Variants in ZNF212 observed in about 807,000 individuals in gnomAD.
The protein encoded by ZNF212 is Zinc finger protein C2H2-150.
In ZNF212, 32 loss-of-function variants were observed where a neutral mutation model predicts 47.3. The observed-to-expected ratio is 0.68, with a 90% CI of 0.51 to 0.91. The LOEUF is 0.91. Among genes scored for constraint, ZNF212 ranks in the 40% least tolerant of loss-of-function variants. The pLI, the probability that ZNF212 is intolerant of heterozygous loss-of-function variation, is 0.00. For missense variants in ZNF212, 555 were observed against 622.8 expected (o/e 0.89, Z 1.16); for synonymous variants, 242 against 253.8 (o/e 0.95, Z 0.44).
intron 1 of ZNF212, chr7:149,240,154 C>T (rs966737058): frequency 1.6e-5 from 4 of 254,734 alleles, no homozygotes; most frequent in Non-Finnish European, 2.2e-5. Flanking sequence ...CGGTCTCCGT[C>T]GCTACGAGTG....
At chr7:149,247,593 T>C (rs1205186059) in intron 1 of ZNF212, among the ~76,000 whole-genome samples, 1 of 152,210 alleles carries the variant, frequency 6.6e-6, no homozygotes, top group East Asian at 1.9e-4. Context: ...AAGTGTCTTA[T>C]ATAGTGTGTC....
chr7:149,253,885 G>C lies in ZNF212; in HGVS notation c.958G>C (p.Glu320Gln). The change falls in exon 5 of 5, where the codon GAG becomes CAG. Residue 320 changes from glutamate to glutamine, a missense_variant. Glu to Gln is a conservative substitution (Grantham distance 29, BLOSUM62 2). Coordinates refer to ENST00000335870, the MANE Select transcript of ZNF212 (RefSeq NM_012256.4). ...KDTSRPYECS[E>Q]CEITFRYKQQ... ...CACTTCCCGCCCCTACGAATGTTCT[G>C]AGTGTGAGATCACCTTCCGCTATAA... 4 of 1,614,056 alleles carry C rather than the reference G, an allele frequency of 2.5e-6. No individual in the cohort carries two copies. The highest frequency in any genetic ancestry group is 3.4e-6 in the Non-Finnish European group (4 of 1,180,034).
chr7:149,239,861 C>T (rs1796561441), intron 1 of ZNF212, 59 bp downstream of exon 1: 3 of 1,259,826 alleles, frequency 2.4e-6, no homozygotes, highest in East Asian at 3.1e-5. Context: ...AGTCCCCTGC[C>T]GGGGGCGGGG....
chr7:149,247,822 T>G (rs1256296850), intron 1 of ZNF212, among the ~76,000 whole-genome samples: 3 of 152,152 alleles, frequency 2.0e-5, no homozygotes. Flanking sequence ...CCATTATGTA[T>G]TGGTGTAACA....
At chr7:149,240,660 A>G (rs1796575220) in intron 1 of ZNF212, among the ~76,000 whole-genome samples, 1 of 152,218 alleles carries the variant, frequency 6.6e-6, no homozygotes, top group Non-Finnish European at 1.5e-5. Context: ...GTTTCAAAGT[A>G]GTGGTTAATT....
At chr7:149,246,130 C>G (rs980987123) in intron 1 of ZNF212, among the ~76,000 whole-genome samples, 1 of 152,196 alleles carries the variant, frequency 6.6e-6, no homozygotes, top group Non-Finnish European at 1.5e-5. Flanking sequence ...TGACCTTTTT[C>G]CACTTCATAT....
rs1157461132 is a variant in ZNF212 at position 149,254,805 on chromosome 7, G to A, written c.*390G>A. On this transcript the variant is annotated 3_prime_UTR_variant, in exon 5 of 5. Coordinates refer to ENST00000335870, the MANE Select transcript of ZNF212 (RefSeq NM_012256.4). The surrounding 1 kb of genome is among the most constrained non-coding windows in gnomAD (Gnocchi z 4.5). Reference sequence around the variant, plus strand: ...GAGCAGCTGCCTGGAAGAGTTCTGGGAAGTATAACCCTCCATTTTTTCTTG... The same window carrying A: ...GAGCAGCTGCCTGGAAGAGTTCTGGAAAGTATAACCCTCCATTTTTTCTTG... 1.9e-5 allele frequency: 4 copies of A among 208,752 alleles called. No homozygotes were observed. The East Asian group carries it at 3.6e-4, about 19-fold the overall frequency. The allele number at this position is 208,752 out of a possible 1,614,324, so 12.9% of individuals were successfully genotyped here.
intron 1 of ZNF212, among the ~76,000 whole-genome samples, chr7:149,240,295 G>T (rs1383768911): frequency 2.0e-5 from 3 of 152,220 alleles, no homozygotes; most frequent in Admixed American, 2.0e-4. Context: ...GTTGAAGTCA[G>T]CCTGGGCTGC....
chr7:149,252,739 T>G lies in ZNF212; in HGVS notation c.575T>G (p.Leu192Trp), dbSNP rs768347104. 2 of 1,614,086 alleles carry G rather than the reference T, an allele frequency of 1.2e-6. No individual in the cohort carries two copies. The highest frequency in any genetic ancestry group is 2.2e-5 in the South Asian group (2 of 91,074). Residue 192 changes from leucine to tryptophan, a missense_variant, in exon 4 of 5, where the codon TTG becomes TGG. Transcript: ENST00000335870. Reference protein sequence around the residue: ...VLGQTEGEAELGTEMLGDLEE... With the variant: ...VLGQTEGEAEWGTEMLGDLEE... The stretch of plus-strand genomic sequence containing the variant: ...GGCCAGACAGAGGGAGAAGCGGAGT[T>G]GGGTACAGAGATGCTGGGTGACTTG...
chr7:149,252,408 T>G (rs1376473663), intron 3 of ZNF212, among the ~76,000 whole-genome samples: 1 of 152,154 alleles, frequency 6.6e-6, no homozygotes, highest in African/African-American at 2.4e-5. Context: ...TGCACGCACA[T>G]GGAGAGGCAG....
At chr7:149,252,584 A>G in intron 3 of ZNF212, 122 bp from the exon 4 acceptor site, 1 of 870,264 alleles carries the variant, frequency 1.1e-6, no homozygotes, top group Non-Finnish European at 1.8e-6. Context: ...AACTGACAAG[A>G]ACAGTAGCCT....
chr7:149,250,344 G>C lies in ZNF212; in HGVS notation c.210G>C (p.Gly70=), dbSNP rs1414802108. 4.3e-6 allele frequency: 7 copies of C among 1,614,078 alleles called. No homozygotes were observed. Among genetic ancestry groups the C allele is most frequent in the Non-Finnish European group, 5.9e-6 (7 of 1,180,042 alleles). Residue 70 remains glycine (G), a synonymous_variant, in exon 2 of 5, where the codon GGG becomes GGC. Coordinates refer to ENST00000335870, the MANE Select transcript of ZNF212 (RefSeq NM_012256.4). ...TACAGAGCCTGGAGGGGCGCACGGG[G>C]ACAGCCGAGAAGAAGCTGGCTGACT... ...ARLQSLEGRT[G]TAEKKLADCE... is the part of the protein sequence containing the mutation.
At chr7:149,250,608 A>G in intron 2 of ZNF212, 60 bp downstream of exon 2, 1 of 1,608,288 alleles carries the variant, frequency 6.2e-7, no homozygotes, top group Non-Finnish European at 8.5e-7. Context: ...TTAATATGTA[A>G]GCACCTCAGT....
intron 1 of ZNF212, 76 bp from the exon 2 acceptor site, chr7:149,250,083 C>T: frequency 3.7e-6 from 5 of 1,364,502 alleles, no homozygotes; most frequent in Non-Finnish European, 4.8e-6. Flanking sequence ...TAACTCTGAG[C>T]ACTGATACAC....
intron 1 of ZNF212, among the ~76,000 whole-genome samples, chr7:149,245,067 G>T (rs1796657405): frequency 6.6e-6 from 1 of 152,146 alleles, no homozygotes; most frequent in Admixed American, 6.5e-5. Context: ...AGTCTCAAAA[G>T]GCTGGGCATG....
intron 1 of ZNF212, among the ~76,000 whole-genome samples, chr7:149,248,950 T>TA (rs1796714915): frequency 6.6e-6 from 1 of 152,186 alleles, no homozygotes; most frequent in Admixed American, 6.5e-5. Flanking sequence ...GCCCCAGCAG[T>TA]TCTTTCCGAG....
At chr7:149,245,597 C>T (rs886832747) in intron 1 of ZNF212, among the ~76,000 whole-genome samples, 1 of 152,120 alleles carries the variant, frequency 6.6e-6, no homozygotes, top group Non-Finnish European at 1.5e-5. Flanking sequence ...CCTCAATCCC[C>T]TGGGCTCAAG....
intron 1 of ZNF212, among the ~76,000 whole-genome samples, chr7:149,242,257 G>C (rs549021622): frequency 2.6e-4 from 40 of 151,658 alleles, no homozygotes; most frequent in African/African-American, 9.4e-4. Flanking sequence ...CCTGACCTCA[G>C]GTGATCCACC....
At chr7:149,248,013 A>G (rs942496189) in intron 1 of ZNF212, among the ~76,000 whole-genome samples, 1 of 152,182 alleles carries the variant, frequency 6.6e-6, no homozygotes, top group Non-Finnish European at 1.5e-5. Flanking sequence ...AGAGGAGGCA[A>G]GAGAGAGACC....
Sources: allele counts gnomAD v4.1 joint callset (sites outside exome capture counted in the v4.1 genomes callset), GRCh38; gene constraint gnomAD v4.1.1; non-coding constraint Gnocchi (gnomAD v3.1); transcripts MANE v1.5; gene names NCBI Gene and HGNC (gene_info 2026-07-23, HGNC 2026-07-21).